SLC26A7: variants seen among roughly 807,000 people sequenced by gnomAD.
SLC26A7 encodes the protein anion exchange transporter.
SLC26A7 carries 59 observed loss-of-function variants against 82.5 expected under a neutral mutation model. The ratio of observed to expected loss-of-function variants is 0.72; its 90% confidence interval spans 0.58 to 0.89. The LOEUF (loss-of-function observed/expected upper bound fraction) is 0.89. Ranked by LOEUF, SLC26A7 falls within the 40% of genes least tolerant of loss-of-function variation. The pLI, the probability that SLC26A7 is intolerant of heterozygous loss-of-function variation, is 0.00. For missense variants in SLC26A7, 820 were observed against 793.0 expected, an observed-to-expected ratio of 1.03 and a Z score of -0.41; for synonymous variants, 271 against 274.3, an observed-to-expected ratio of 0.99 and a Z score of 0.12.
chr8:91,314,826 G>C (rs1002383623), intron 4 of SLC26A7, among the ~76,000 whole-genome samples: 1 of 152,110 alleles, frequency 6.6e-6, no homozygotes, highest in Non-Finnish European at 1.5e-5. Flanking sequence ...TTTTAAGAGA[G>C]GATAATTCAT....
rs766915975 is a variant in SLC26A7, at chr8:91,395,100, C to T, written c.*3C>T. 2 of 1,613,392 alleles carry T rather than the reference C, an allele frequency of 1.2e-6. No individual in the cohort carries two copies. The highest frequency in any genetic ancestry group is 2.2e-5 in the South Asian group (2 of 91,060). On this transcript the variant is annotated 3_prime_UTR_variant, in exon 19 of 19. Transcript: ENST00000276609. ...TCAGTGACCACAGTGAAGTCTGAGA[C>T]CCTTTTGTCACAGTACAGCTCTTGT...
chr8:91,316,559 C>T (rs781046048), intron 4 of SLC26A7, among the ~76,000 whole-genome samples: 3 of 145,966 alleles, frequency 2.1e-5, no homozygotes, highest in Admixed American at 7.0e-5. Context: ...CCTCCTGCCT[C>T]GACCTCCCAA....
chr8:91,331,620 T>G (rs1445320326), intron 5 of SLC26A7, among the ~76,000 whole-genome samples: 2 of 152,160 alleles, frequency 1.3e-5, no homozygotes, highest in African/African-American at 4.8e-5. Flanking sequence ...AAATTGTATA[T>G]ATTCAAAATG....
At position 91,334,158 on chromosome 8, in the gene SLC26A7, G is replaced by A. The variant is rs185479333; in HGVS notation, c.643-137G>A. The A allele has an allele frequency of 2.8e-4, 207 of 752,232 alleles. 3 individuals carry two copies. The highest frequency in any genetic ancestry group is 2.3e-3 in the South Asian group (111 of 48,606). The allele number at this position is 752,232 out of a possible 1,614,324, so 46.6% of individuals were successfully genotyped here. A position where few individuals can be genotyped will look rare whatever the true frequency, so the allele number is the denominator to read the frequency against. ...TACATAGCATTAGCACTGACTACCC[G>A]CCTACCTATATCTTTCCTCTCCCTA... On this transcript the variant is annotated intron_variant, in intron 5 of 18. Coordinates refer to ENST00000276609, the MANE Select transcript of SLC26A7 (RefSeq NM_052832.4).
chr8:91,373,723 A>G (rs547185503), intron 15 of SLC26A7, among the ~76,000 whole-genome samples: 1 of 152,004 alleles, frequency 6.6e-6, no homozygotes, highest in African/African-American at 2.4e-5. Flanking sequence ...TGGCATCAGG[A>G]TGACACTGGT....
intron 6 of SLC26A7, among the ~76,000 whole-genome samples, chr8:91,336,558 A>G (rs1448681): frequency 0.44 from 66,458 of 151,676 alleles, 17,225 homozygotes; most frequent in East Asian, 0.64. Context: ...TCTTCCACAA[A>G]GCTGATCCCC....
At chr8:91,312,667 G>C (rs2130800905) in intron 4 of SLC26A7, among the ~76,000 whole-genome samples, 1 of 151,322 alleles carries the variant, frequency 6.6e-6, no homozygotes, top group East Asian at 1.9e-4. Flanking sequence ...GTGTGTGTGT[G>C]TGTGTGTTTG....
intron 4 of SLC26A7, among the ~76,000 whole-genome samples, chr8:91,313,398 G>A (rs900556271): frequency 6.6e-6 from 1 of 152,116 alleles, no homozygotes; most frequent in African/African-American, 2.4e-5. Context: ...AATAAGTTTT[G>A]AAATCAGGAA....
chr8:91,359,098 A>G (rs777141424), intron 11 of SLC26A7, among the ~76,000 whole-genome samples: 2 of 152,192 alleles, frequency 1.3e-5, no homozygotes, highest in Non-Finnish European at 2.9e-5. Flanking sequence ...AAAAAAGAAC[A>G]TTAATTCTAG....
intron 2 of SLC26A7, among the ~76,000 whole-genome samples, chr8:91,264,657 G>A (rs147556979): frequency 1.2e-3 from 185 of 152,038 alleles, no homozygotes; most frequent in African/African-American, 4.1e-3. Context: ...CTTGGATTCA[G>A]ACACTTCCAA....
rs567174428 is a variant in SLC26A7, at chr8:91,299,087, G to A, written c.477+3384G>A. Among the ~76,000 whole-genome samples, 123 of 152,176 alleles carry A rather than the reference G, an allele frequency of 8.1e-4. 1 individual carries two copies. Among genetic ancestry groups the A allele is most frequent in the Non-Finnish European group, 1.6e-3 (106 of 67,956 alleles). On this transcript the variant is annotated intron_variant, in intron 4 of 18. Coordinates refer to ENST00000276609, the MANE Select transcript of SLC26A7 (RefSeq NM_052832.4). ...AGTGAGGTTCAACATCTTTTCATAT[G>A]TTTAAGATCATTTTGTGCTAATTTT...
At position 91,277,802 on chromosome 8, in the gene SLC26A7, T is replaced by A. The variant is rs556809136; in HGVS notation, c.194-11334T>A. ...CTTGGTACAAAGCTAAAATAAAATA[T>A]TTTAATGTATCAATATTAAAAAACA... On this transcript the variant is annotated intron_variant, in intron 2 of 18. Coordinates refer to ENST00000276609, the MANE Select transcript of SLC26A7 (RefSeq NM_052832.4). 2.6e-5 allele frequency among the ~76,000 whole-genome samples: 4 copies of A among 152,284 alleles called. No individual in the cohort carries two copies. The East Asian group carries it at 7.7e-4, about 29-fold the overall frequency.
chr8:91,352,356 A>C lies in SLC26A7; in HGVS notation c.1218+469A>C, dbSNP rs1813739806. 2.0e-5 allele frequency among the ~76,000 whole-genome samples: 3 copies of C among 152,228 alleles called. No individual in the cohort carries two copies. In the South Asian group the frequency reaches 6.2e-4, roughly 32 times the overall value. On this transcript the variant is annotated intron_variant, in intron 10 of 18. Transcript: ENST00000276609. Reference sequence around the variant, plus strand: ...TAAGCCTGAGGCACTAAAGGAATGCAAAACACTGGGCTTATGAGAGCCAGT... The same window carrying C: ...TAAGCCTGAGGCACTAAAGGAATGCCAAACACTGGGCTTATGAGAGCCAGT...
intron 15 of SLC26A7, among the ~76,000 whole-genome samples, chr8:91,381,154 T>C (rs1194567330): frequency 6.6e-6 from 1 of 152,158 alleles, no homozygotes; most frequent in Non-Finnish European, 1.5e-5. Context: ...TTAATATTTG[T>C]ATCTGGAGGA....
intron 2 of SLC26A7, among the ~76,000 whole-genome samples, chr8:91,229,037 A>C (rs1356389080): frequency 6.6e-6 from 1 of 152,194 alleles, no homozygotes; most frequent in Non-Finnish European, 1.5e-5. Flanking sequence ...AGCCTCAGAG[A>C]GCTTTTTTCT....
chr8:91,362,412 G>A lies in SLC26A7; in HGVS notation c.1374G>A (p.Leu458=), dbSNP rs560571153. The change falls in exon 12 of 19, where the codon CTG becomes CTA. Residue 458 remains leucine, a synonymous_variant. Transcript: ENST00000276609. ...GCTTTGCTGCCAATGTGGGACTGCT[G>A]TTTGGTGTTGTTTGTACCATAGCTA... ...TICFAANVGL[L]FGVVCTIAIV... 13 of 1,613,378 alleles carry A rather than the reference G, an allele frequency of 8.1e-6. No individual in the cohort carries two copies. In the Admixed American group the frequency reaches 2.0e-4, roughly 25 times the overall value.
At chr8:91,394,497 A>G (rs1227462388) in intron 18 of SLC26A7, 1 of 1,323,838 alleles carries the variant, frequency 7.6e-7, no homozygotes, top group Non-Finnish European at 9.6e-7. Flanking sequence ...CTGAAGTGTC[A>G]AAGTTATTTT....
At chr8:91,366,473 A>G in intron 13 of SLC26A7, 107 bp from the exon 14 acceptor site, 2 of 1,227,322 alleles carry the variant, frequency 1.6e-6, no homozygotes, top group African/African-American at 1.5e-5. Context: ...AGTAATAAAA[A>G]TGTTAATTGA....
chr8:91,228,823 C>T (rs892202866), intron 2 of SLC26A7, among the ~76,000 whole-genome samples: 1 of 152,070 alleles, frequency 6.6e-6, no homozygotes, highest in Non-Finnish European at 1.5e-5. Context: ...CAAAAAAGTG[C>T]GTTTAAAATG....
Sources: gnomAD v4.1 joint callset for allele counts (sites outside exome capture counted in the v4.1 genomes callset) on GRCh38, gnomAD v4.1.1 for gene constraint, MANE v1.5 for transcripts, NCBI Gene and HGNC (gene_info 2026-07-23, HGNC 2026-07-21) for gene names.